FGD4: variants seen among roughly 807,000 people sequenced by gnomAD.
FGD4 encodes FYVE, RhoGEF and PH domain containing 4, also known as FYVE, RhoGEF and PH domain-containing protein 4.
A neutral mutation model predicts 102.0 loss-of-function variants in FGD4; 42 were observed. That is an observed-to-expected ratio of 0.41 (90% CI 0.32 to 0.53). The LOEUF (loss-of-function observed/expected upper bound fraction) is 0.53, where lower values mean the gene tolerates loss of function less well. Ranked by LOEUF, FGD4 falls within the 20% of genes least tolerant of loss-of-function variation. The pLI, the probability that FGD4 is intolerant of heterozygous loss-of-function variation, is 0.21. For missense variants in FGD4, 902 were observed against 1,078.2 expected (o/e 0.84, Z 2.29); for synonymous variants, 380 against 375.7 (o/e 1.01, Z -0.13).
chr12:32,413,776 T>C (rs1414236485), intron 1 of FGD4, among the ~76,000 whole-genome samples: 2 of 152,220 alleles, frequency 1.3e-5, no homozygotes, highest in South Asian at 2.1e-4. Context: ...TGGTCACTTA[T>C]GTTTGGCTCA....
intron 1 of FGD4, among the ~76,000 whole-genome samples, chr12:32,525,745 C>T (rs1941083080): frequency 6.6e-6 from 1 of 152,230 alleles, no homozygotes; most frequent in South Asian, 2.1e-4. Context: ...TGGGCGTGGG[C>T]TTGGTGGGCC....
At chr12:32,413,973 C>CT (rs34824025) in intron 1 of FGD4, among the ~76,000 whole-genome samples, 58,332 of 129,150 alleles carry the variant, frequency 0.45, 14,386 homozygotes, top group African/African-American at 0.63. Context: ...CTTGAGGATA[C>CT]TTTTTTTTTT....
At chr12:32,505,497 A>C (rs1344986037) in intron 1 of FGD4, among the ~76,000 whole-genome samples, 1 of 152,140 alleles carries the variant, frequency 6.6e-6, no homozygotes, top group African/African-American at 2.4e-5. Flanking sequence ...TGTTTTTATA[A>C]CTGCTCTTGA....
intron 1 of FGD4, among the ~76,000 whole-genome samples, chr12:32,431,470 C>G (rs1041557144): frequency 2.0e-5 from 3 of 152,142 alleles, no homozygotes; most frequent in Non-Finnish European, 2.9e-5. Flanking sequence ...AAGCTAGTTG[C>G]TTACACTCAG....
In FGD4 at chr12:32,612,261, C is replaced by T. The variant is rs76221481; in HGVS notation, c.1749+978C>T. 3.5e-4 allele frequency among the ~76,000 whole-genome samples: 54 copies of T among 152,342 alleles called. No individual in the cohort carries two copies. The East Asian group carries it at 0.01, about 29-fold the overall frequency. On this transcript the variant is annotated intron_variant, in intron 10 of 16. Transcript: ENST00000534526. ...GCCCATGCTGGTGCCTAGAAATGCT[C>T]CCATTGCTGTAGCCAGCATGCCTGG...
chr12:32,546,950 A>G (rs1420725627), intron 1 of FGD4, among the ~76,000 whole-genome samples: 2 of 152,212 alleles, frequency 1.3e-5, no homozygotes, highest in Admixed American at 6.5e-5. Flanking sequence ...CTCTTACCTT[A>G]TATTTCTTAA....
At chr12:32,401,793 A>G (rs1228574476) in intron 1 of FGD4, among the ~76,000 whole-genome samples, 5 of 145,748 alleles carry the variant, frequency 3.4e-5, no homozygotes, top group Non-Finnish European at 6.0e-5. Flanking sequence ...CAGTGGCGCA[A>G]TCTCGGCTCA....
chr12:32,549,716 A>T (rs1379572269), intron 1 of FGD4, among the ~76,000 whole-genome samples: 7 of 152,238 alleles, frequency 4.6e-5, no homozygotes, highest in Non-Finnish European at 1.0e-4. Context: ...GGGACGGCTG[A>T]GGCCAGTGAA....
intron 15 of FGD4, among the ~76,000 whole-genome samples, chr12:32,635,744 G>C (rs1463163126): frequency 6.6e-6 from 1 of 152,146 alleles, no homozygotes; most frequent in Admixed American, 6.5e-5. Flanking sequence ...GCTGGGCGCA[G>C]TGGCTCATGC....
intron 1 of FGD4, among the ~76,000 whole-genome samples, chr12:32,482,129 G>A (rs958237930): frequency 2.0e-5 from 3 of 152,084 alleles, no homozygotes; most frequent in Non-Finnish European, 2.9e-5. Context: ...AAAAAGTGCC[G>A]TGACTTTCAA....
At chr12:32,520,873 A>C (rs1171341099) in intron 1 of FGD4, among the ~76,000 whole-genome samples, 2 of 152,170 alleles carry the variant, frequency 1.3e-5, no homozygotes, top group Non-Finnish European at 2.9e-5. Flanking sequence ...CAAGAAGTTT[A>C]GAGATAAAGT....
chr12:32,435,410 G>C (rs1266443914), intron 1 of FGD4, among the ~76,000 whole-genome samples: 3 of 151,916 alleles, frequency 2.0e-5, no homozygotes, highest in Admixed American at 6.6e-5. Flanking sequence ...TCTCATTTCA[G>C]AAGTTATGAA....
chr12:32,640,887 G>C lies in FGD4; in HGVS notation c.*354G>C. 1 of 506,238 alleles carries C rather than the reference G, an allele frequency of 2.0e-6. No individual in the cohort carries two copies. Among genetic ancestry groups the C allele is most frequent in the Non-Finnish European group, 3.5e-6 (1 of 283,018 alleles). 31.4% of individuals were successfully genotyped at this position (506,238 alleles called of 1,614,324 possible). ...CATGTCTTCTTCTCTTTCACATGTA[G>C]GACCTGGAACAGTTTGAAAGATATA... On this transcript the variant is annotated 3_prime_UTR_variant, in exon 17 of 17. Transcript: ENST00000534526.
chr12:32,560,817 C>G (rs938475426), intron 1 of FGD4, among the ~76,000 whole-genome samples: 3 of 151,874 alleles, frequency 2.0e-5, no homozygotes, highest in African/African-American at 7.3e-5. Context: ...CTCAACCTCC[C>G]CAGTAGCTGG....
chr12:32,501,294 T>A (rs1279723965), intron 1 of FGD4, among the ~76,000 whole-genome samples: 1 of 152,192 alleles, frequency 6.6e-6, no homozygotes, highest in Non-Finnish European at 1.5e-5. Flanking sequence ...ACATTTTGAG[T>A]GCCTATAGTT....
chr12:32,633,665 A>C lies in FGD4; in HGVS notation c.2289A>C (p.Glu763Asp), dbSNP rs907657345. 3.4e-5 allele frequency: 55 copies of C among 1,595,750 alleles called. No individual in the cohort carries two copies. The highest frequency in any genetic ancestry group is 4.5e-5 in the Non-Finnish European group (52 of 1,164,734). The change falls in exon 15 of 17, where the codon GAA becomes GAC. Residue 763 changes from glutamate to aspartate, a missense_variant. By Grantham distance (45) the Glu-to-Asp change is conservative (BLOSUM62 2). Around this residue, in one of 2 missense-constraint regions of FGD4, gnomAD observed 459 missense variants for 619.0 expected, o/e 0.74. Coordinates refer to ENST00000534526, the MANE Select transcript of FGD4 (RefSeq NM_001370298.3). Reference protein sequence around the residue: ...QIISGFTDSEEKKRKGILEIE... With the variant: ...QIISGFTDSEDKKRKGILEIE... ...TAAGTGGATTCACAGACAGTGAAGA[A>C]AAGAAAAGAAAAGGAATTTTAGAGG... is the stretch of plus-strand genomic sequence containing the variant.
chr12:32,470,644 G>A (rs952018488), intron 1 of FGD4, among the ~76,000 whole-genome samples: 7 of 151,918 alleles, frequency 4.6e-5, no homozygotes, highest in African/African-American at 1.7e-4. Context: ...GGTAGAGAGA[G>A]GGTTTTTCCA....
chr12:32,588,914 T>C (rs1452327071), intron 4 of FGD4, among the ~76,000 whole-genome samples: 1 of 152,154 alleles, frequency 6.6e-6, no homozygotes, highest in African/African-American at 2.4e-5. Context: ...TCTTGCTTTA[T>C]ATGGGGTTAA....
In FGD4 at chr12:32,432,356, G is replaced by T. The variant is rs1391173774; in HGVS notation, c.166+32397G>T. Among the ~76,000 whole-genome samples the T allele has an allele frequency of 2.8e-5, 4 of 141,354 alleles. No individual in the cohort carries two copies. The South Asian group carries it at 7.2e-4, about 26-fold the overall frequency. 92.7% of individuals were successfully genotyped at this position (141,354 alleles called of 152,430 possible). Reference sequence around the variant, plus strand: ...ATTACAGGCGTGAGCCACCGCGCCCGACCAATCCTAGCATTTTGGGACGCC... The same window carrying T: ...ATTACAGGCGTGAGCCACCGCGCCCTACCAATCCTAGCATTTTGGGACGCC... On this transcript the variant is annotated intron_variant, in intron 1 of 16. Coordinates refer to ENST00000534526, the MANE Select transcript of FGD4 (RefSeq NM_001370298.3).
Sources: gnomAD v4.1 joint callset for allele counts (sites outside exome capture counted in the v4.1 genomes callset) on GRCh38, gnomAD v4.1.1 for gene constraint, gnomAD v4.1.1 regional missense constraint, MANE v1.5 for transcripts, NCBI Gene and HGNC (gene_info 2026-07-23, HGNC 2026-07-21) for gene names.